DOCK8: variants seen among roughly 807,000 people sequenced by gnomAD.
DOCK8 encodes dedicator of cytokinesis protein 8.
A neutral mutation model predicts 245.6 loss-of-function variants in DOCK8; 141 were observed. That is an observed-to-expected ratio of 0.57 (90% CI 0.50 to 0.66). The LOEUF (loss-of-function observed/expected upper bound fraction) is 0.66. Ranked by LOEUF, DOCK8 falls within the 30% of genes least tolerant of loss-of-function variation. The pLI is 0.00. For missense variants in DOCK8, 2,965 were observed against 2,603.4 expected, an observed-to-expected ratio of 1.14 and a Z score of -3.02; for synonymous variants, 1,168 against 970.2, an observed-to-expected ratio of 1.20 and a Z score of -3.79.
upstream of DOCK8, chr9:213,350 G>A (rs1276715261): frequency 6.6e-6 from 1 of 152,096 alleles, no homozygotes; most frequent in African/African-American, 2.4e-5. Flanking sequence ...TTAGTATTAG[G>A]TGACAAATTA....
chr9:385,421 A>G (rs1333500064), intron 22 of DOCK8, among the ~76,000 whole-genome samples: 1 of 152,254 alleles, frequency 6.6e-6, no homozygotes, highest in African/African-American at 2.4e-5. Flanking sequence ...AATAATAACT[A>G]TACAACTTAT....
rs906781171 is a variant in DOCK8 at position 272,353 on chromosome 9, A to G, written c.156+624A>G. On this transcript the variant is annotated intron_variant, in intron 2 of 47. Transcript: ENST00000432829. ...ACTTCTGTCACCATAATTTTGCTCT[A>G]TCTGGAGCTTCATATCCTGTTACAG... 1.3e-4 allele frequency among the ~76,000 whole-genome samples: 20 copies of G among 152,102 alleles called. 1 individual carries two copies. Among genetic ancestry groups the G allele is most frequent in the Admixed American group, 1.2e-3 (18 of 15,282 alleles).
intron 14 of DOCK8, among the ~76,000 whole-genome samples, chr9:342,089 A>C (rs1329159536): frequency 6.6e-6 from 1 of 152,130 alleles, no homozygotes; most frequent in African/African-American, 2.4e-5. Flanking sequence ...TTGCAATGTA[A>C]TAATAATAGA....
intron 5 of DOCK8, among the ~76,000 whole-genome samples, chr9:307,068 TG>T (rs2049868718): frequency 6.6e-6 from 1 of 151,886 alleles, no homozygotes; most frequent in Admixed American, 6.6e-5. Context: ...ACTACGAAGG[TG>T]AGAGGAATAG....
intron 1 of DOCK8, among the ~76,000 whole-genome samples, chr9:244,933 A>T (rs1239378480): frequency 6.6e-6 from 1 of 152,150 alleles, no homozygotes; most frequent in Non-Finnish European, 1.5e-5. Context: ...TCTCCAGGGG[A>T]ATTCATGAAG....
rs1179709217 is a variant in DOCK8, at chr9:355,209, T to C, written c.1680-12809T>C. Among the ~76,000 whole-genome samples, 19 of 141,962 alleles carry C rather than the reference T, an allele frequency of 1.3e-4. 1 individual carries two copies. Among genetic ancestry groups the C allele is most frequent in the South Asian group, 2.3e-4 (1 of 4,346 alleles). The allele number at this position is 141,962 out of a possible 152,430, so 93.1% of individuals were successfully genotyped here. A position where few individuals can be genotyped will look rare whatever the true frequency, so the allele number is the denominator to read the frequency against. On this transcript the variant is annotated intron_variant, in intron 14 of 47. Coordinates refer to ENST00000432829, the MANE Select transcript of DOCK8 (RefSeq NM_203447.4). ...TTTCTTTTCTTTTTTTTTTTTTTTT[T>C]TTTTTTTTTTTTTGAGACAGAGTCT...
In DOCK8 at chr9:434,058, A is replaced by G. The variant is rs563514467; in HGVS notation, c.4886+83A>G. The stretch of plus-strand genomic sequence containing the variant: ...TGGAGTTCTTACTAATGTAATGATC[A>G]CAGCTAACATGGATATAGTGATTTG... On this transcript the variant is annotated intron_variant, in intron 38 of 47. Coordinates refer to ENST00000432829, the MANE Select transcript of DOCK8 (RefSeq NM_203447.4). 4.2e-6 allele frequency: 4 copies of G among 959,460 alleles called. 1 individual carries two copies. In the South Asian group the frequency reaches 5.2e-5, roughly 12 times the overall value. The allele number at this position is 959,460 out of a possible 1,614,324, so 59.4% of individuals were successfully genotyped here.
intron 14 of DOCK8, among the ~76,000 whole-genome samples, chr9:353,063 A>T (rs1304218625): frequency 6.6e-6 from 1 of 152,200 alleles, no homozygotes; most frequent in Non-Finnish European, 1.5e-5. Context: ...GTGCTGAAAT[A>T]GACAAGGAGG....
chr9:291,941 G>C (rs1340865550), intron 4 of DOCK8, among the ~76,000 whole-genome samples: 2 of 151,364 alleles, frequency 1.3e-5, no homozygotes, highest in East Asian at 3.9e-4. Flanking sequence ...ATGATGACAT[G>C]CACCTGTAGT....
chr9:383,835 T>C (rs1335708024), intron 22 of DOCK8, among the ~76,000 whole-genome samples: 2 of 152,306 alleles, frequency 1.3e-5, no homozygotes, highest in South Asian at 4.1e-4. Context: ...ATTTTTTTCA[T>C]GGTAAAGCTT....
chr9:405,140 C>A, intron 27 of DOCK8, 67 bp downstream of exon 27: 1 of 1,451,854 alleles, frequency 6.9e-7, no homozygotes, highest in South Asian at 1.2e-5. Flanking sequence ...TCAGTTTAAT[C>A]ATGTATTTCC....
rs1188203319 is a variant in DOCK8 at position 400,974 on chromosome 9, CCAT to C, written c.3234+1718_3234+1720del. Among the ~76,000 whole-genome samples, 41 of 74,712 alleles carry C rather than the reference CCAT, an allele frequency of 5.5e-4. 2 individuals are homozygous for C. The highest frequency in any genetic ancestry group is 5.2e-3 in the Middle Eastern group (1 of 194). The allele number at this position is 74,712 out of a possible 152,430, so 49.0% of individuals were successfully genotyped here. A position where few individuals can be genotyped will look rare whatever the true frequency, so the allele number is the denominator to read the frequency against. ...ACCACCACCACCACCACCTCCTCCACCATCACCACCTCCTCCACCACCACCACC... is the reference window on the plus strand; with the variant it reads ...ACCACCACCACCACCACCTCCTCCACCACCACCTCCTCCACCACCACCACC... On this transcript the variant is annotated intron_variant, in intron 26 of 47. Transcript: ENST00000432829.
At chr9:425,494 T>A (rs1034671889) in intron 33 of DOCK8, among the ~76,000 whole-genome samples, 8 of 131,980 alleles carry the variant, frequency 6.1e-5, no homozygotes, top group East Asian at 4.1e-4. Flanking sequence ...ATTGCGCCAC[T>A]GCACTCTGCA....
intron 14 of DOCK8, among the ~76,000 whole-genome samples, chr9:348,464 G>C (rs774881577): frequency 6.6e-6 from 1 of 152,156 alleles, no homozygotes; most frequent in South Asian, 2.1e-4. Flanking sequence ...TAAAAGTCCT[G>C]CGGTCGGTTT....
Position 376,294 on chromosome 9 carries a change from G to A in DOCK8, c.2194G>A (p.Val732Ile), listed in dbSNP as rs779939977. The change falls in exon 19 of 48, where the codon GTA (valine) becomes ATA (isoleucine). Residue 732 changes from valine to isoleucine, a missense_variant. Around this residue, in one of 3 missense-constraint regions of DOCK8, gnomAD observed 2,825 missense variants for 2,453.5 expected, o/e 1.15. Coordinates refer to ENST00000432829, the MANE Select transcript of DOCK8 (RefSeq NM_203447.4). ...FNIEVQAVSS[V>I]HTQDNHLEKF... ...TATTGAAGTGCAAGCTGTTTCTTCTGTACACACCCAGGTAAGGAATGTCAA... is the reference window on the plus strand; with the variant it reads ...TATTGAAGTGCAAGCTGTTTCTTCTATACACACCCAGGTAAGGAATGTCAA... The A allele has an allele frequency of 2.5e-6, 4 of 1,610,540 alleles. No individual in the cohort carries two copies. In the African/African-American group the frequency reaches 4.0e-5, roughly 16 times the overall value.
chr9:382,457 C>T, intron 21 of DOCK8, 56 bp from the exon 22 acceptor site: 14 of 1,609,150 alleles, frequency 8.7e-6, no homozygotes, highest in Non-Finnish European at 1.1e-5. Context: ...TTCTTAAACT[C>T]AGTAAGTAAC....
At chr9:378,792 C>T (rs904310936) in intron 20 of DOCK8, among the ~76,000 whole-genome samples, 2 of 152,236 alleles carry the variant, frequency 1.3e-5, no homozygotes, top group Non-Finnish European at 2.9e-5. Flanking sequence ...AGCATTTATT[C>T]AGAACCTATT....
intron 4 of DOCK8, among the ~76,000 whole-genome samples, chr9:292,303 A>G (rs1295807388): frequency 6.9e-6 from 1 of 145,492 alleles, no homozygotes; most frequent in Non-Finnish European, 1.5e-5. Flanking sequence ...CTCTAAAAAT[A>G]GCTAAACTGG....
chr9:276,479 T>G (rs945715108), intron 2 of DOCK8, among the ~76,000 whole-genome samples: 2 of 152,238 alleles, frequency 1.3e-5, no homozygotes, highest in African/African-American at 4.8e-5. Context: ...AAACATTTTC[T>G]AAGTAGATAA....
Sources: gnomAD v4.1 joint callset for allele counts (sites outside exome capture counted in the v4.1 genomes callset) on GRCh38, gnomAD v4.1.1 for gene constraint, gnomAD v4.1.1 regional missense constraint, MANE v1.5 for transcripts, NCBI Gene and HGNC (gene_info 2026-07-23, HGNC 2026-07-21) for gene names.